The following DPY19L1 variants were observed in gnomAD, a reference collection of about 807,000 sequenced individuals.
The protein encoded by DPY19L1 is protein C-mannosyl-transferase DPY19L1.
In DPY19L1, 35 loss-of-function variants were observed where a neutral mutation model predicts 96.9. The ratio of observed to expected loss-of-function variants is 0.36; its 90% CI spans 0.28 to 0.48. The LOEUF is 0.48. Among genes scored for constraint, DPY19L1 ranks in the 20% least tolerant of loss-of-function variants. DPY19L1 has a pLI of 0.99. For missense variants in DPY19L1, 521 were observed against 777.9 expected, an observed-to-expected ratio of 0.67 and a Z score of 3.93; for synonymous variants, 205 against 252.6, an observed-to-expected ratio of 0.81 and a Z score of 1.79.
intron 7 of DPY19L1, chr7:34,988,030 A>G (rs1273615868): frequency 1.3e-5 from 2 of 152,072 alleles, no homozygotes; most frequent in East Asian, 1.9e-4. Context: ...GCTGAAAAGT[A>G]TCAAAAAGAC....
intron 6 of DPY19L1, among the ~76,000 whole-genome samples, chr7:34,998,094 G>A (rs1389584017): frequency 2.0e-5 from 3 of 152,194 alleles, no homozygotes; most frequent in African/African-American, 7.2e-5. Flanking sequence ...AGATATCAGA[G>A]AAACCACTCT....
Position 35,010,571 on chromosome 7 carries a change from TAAAC to T in DPY19L1, c.671-14_671-11del, listed in dbSNP as rs768830339. On this transcript the variant is annotated splice_polypyrimidine_tract_variant and intron_variant, in intron 5 of 21. Transcript: ENST00000638088. ...GCAGGATCTCCCAATCCTTTAAAAA[TAAAC>T]AAAACATATGTTCTAATCACATTAA... The T allele has an allele frequency of 1.3e-6, 2 of 1,565,368 alleles. No individual in the cohort carries two copies. The highest frequency in any genetic ancestry group is 1.4e-5 in the African/African-American group (1 of 73,336).
chr7:34,980,760 G>A (rs1282831046), intron 7 of DPY19L1, among the ~76,000 whole-genome samples: 2 of 152,152 alleles, frequency 1.3e-5, no homozygotes, highest in Non-Finnish European at 2.9e-5. Context: ...TCATCAGAAT[G>A]ACTATAATTA....
rs930343862 is a variant in DPY19L1 at position 35,001,123 on chromosome 7, G to A, written c.764+9345C>T. On this transcript the variant is annotated intron_variant, in intron 6 of 21. Coordinates refer to ENST00000638088, the MANE Select transcript of DPY19L1 (RefSeq NM_001366673.1). The stretch of plus-strand genomic sequence containing the variant: ...TGGGAAAACCATATGGATTAAATGA[G>A]TTTCTGATAGTAAAGAGTTTAGAGC... 6.6e-5 allele frequency among the ~76,000 whole-genome samples: 10 copies of A among 152,246 alleles called. No homozygotes were observed. In the East Asian group the frequency reaches 1.9e-3, roughly 29 times the overall value.
At chr7:34,996,576 C>G (rs924050263) in intron 6 of DPY19L1, among the ~76,000 whole-genome samples, 1 of 152,068 alleles carries the variant, frequency 6.6e-6, no homozygotes, top group East Asian at 1.9e-4. Context: ...AGGCTCCCAT[C>G]GTCTTCCCCT....
chr7:35,036,903 G>A (rs949281036), intron 1 of DPY19L1, among the ~76,000 whole-genome samples, 194 bp downstream of exon 1: 1 of 151,630 alleles, frequency 6.6e-6, no homozygotes, highest in Non-Finnish European at 1.5e-5. Flanking sequence ...CTGAGCCAGG[G>A]AGTTGCGGGG....
chr7:35,008,307 T>C (rs1702211775), intron 6 of DPY19L1, among the ~76,000 whole-genome samples: 3 of 152,158 alleles, frequency 2.0e-5, no homozygotes, highest in Admixed American at 2.0e-4. Flanking sequence ...TAGTGTGTGT[T>C]GACTGAACAA....
chr7:35,023,936 T>C (rs1243578044), intron 1 of DPY19L1, among the ~76,000 whole-genome samples: 1 of 149,818 alleles, frequency 6.7e-6, no homozygotes, highest in African/African-American at 2.5e-5. Flanking sequence ...CCCGGGTTCA[T>C]GCCATTCTCC....
At chr7:34,969,597 G>A (rs113135405) in intron 8 of DPY19L1, 65 bp from the exon 9 acceptor site, 73 of 735,916 alleles carry the variant, frequency 9.9e-5, no homozygotes, top group African/African-American at 4.9e-4. Context: ...GCTCCAAACT[G>A]CTGCAAATTA....
At chr7:34,940,467 A>G (rs529361576) in intron 18 of DPY19L1, 140 bp from the exon 19 acceptor site, 2 of 659,096 alleles carry the variant, frequency 3.0e-6, no homozygotes, top group East Asian at 6.1e-5. Context: ...AAAAAGCCCC[A>G]AAATAATAAT....
chr7:34,975,859 G>A (rs1193806829), intron 7 of DPY19L1, among the ~76,000 whole-genome samples: 1 of 152,164 alleles, frequency 6.6e-6, no homozygotes, highest in Non-Finnish European at 1.5e-5. Context: ...ATCTGTTTTA[G>A]CATGATTGAC....
chr7:35,029,662 T>C (rs1199127113), intron 1 of DPY19L1, among the ~76,000 whole-genome samples: 1 of 152,106 alleles, frequency 6.6e-6, no homozygotes, highest in Admixed American at 6.5e-5. Flanking sequence ...AAAATTCAAT[T>C]AAATAGTTTT....
intron 7 of DPY19L1, among the ~76,000 whole-genome samples, chr7:34,977,138 T>G (rs550298897): frequency 3.3e-5 from 5 of 152,168 alleles, no homozygotes; most frequent in Non-Finnish European, 5.9e-5. Flanking sequence ...TAGACTATAG[T>G]ACAGTGTAAA....
intron 13 of DPY19L1, among the ~76,000 whole-genome samples, chr7:34,953,580 T>A (rs1289268075): frequency 6.6e-6 from 1 of 152,176 alleles, no homozygotes; most frequent in African/African-American, 2.4e-5. Flanking sequence ...TTTTTTATCA[T>A]AGCCTTTATT....
At chr7:34,971,108 C>A (rs1233518847) in intron 8 of DPY19L1, among the ~76,000 whole-genome samples, 1 of 152,054 alleles carries the variant, frequency 6.6e-6, no homozygotes, top group African/African-American at 2.4e-5. Context: ...GCCATCGCCA[C>A]CCACCACCTC....
chr7:34,941,040 T>A (rs985110545), intron 18 of DPY19L1, among the ~76,000 whole-genome samples: 2 of 152,146 alleles, frequency 1.3e-5, no homozygotes, highest in African/African-American at 4.8e-5. Flanking sequence ...GTTCTCTTGA[T>A]CTTTCTCCAC....
At chr7:34,936,486 A>G (rs538746458) in intron 21 of DPY19L1, among the ~76,000 whole-genome samples, 1 of 152,350 alleles carries the variant, frequency 6.6e-6, no homozygotes, top group East Asian at 1.9e-4. Flanking sequence ...GCCCAAAGAA[A>G]TAAAGAAGAT....
intron 6 of DPY19L1, among the ~76,000 whole-genome samples, chr7:34,997,190 T>C (rs1403066429): frequency 2.0e-5 from 3 of 151,964 alleles, no homozygotes; most frequent in Non-Finnish European, 4.4e-5. Context: ...CTTTCATCAA[T>C]TTATGCATAC....
At chr7:35,037,769 C>T, upstream of DPY19L1, 2 of 1,150,120 alleles carry the variant, frequency 1.7e-6, no homozygotes, top group East Asian at 3.9e-5. Context: ...CACGCGCGGA[C>T]TTCCGGCGCA....
Sources: gnomAD v4.1 joint callset for allele counts (sites outside exome capture counted in the v4.1 genomes callset) on GRCh38, gnomAD v4.1.1 for gene constraint, MANE v1.5 for transcripts, NCBI Gene and HGNC (gene_info 2026-07-23, HGNC 2026-07-21) for gene names.